Variants in ZNF777 observed in about 807,000 individuals in gnomAD.
ZNF777 encodes zinc finger protein 777.
ZNF777 carries 7 observed loss-of-function variants against 72.1 expected under a neutral mutation model. The observed-to-expected ratio is 0.10, with a 90% CI of 0.06 to 0.18. ZNF777 has a LOEUF of 0.18. ZNF777 is among the 10% of genes least tolerant of loss of function. The pLI is 1.00. For missense variants in ZNF777, 828 were observed against 1,128.6 expected (o/e 0.73, Z 3.82); for synonymous variants, 545 against 483.5 (o/e 1.13, Z -1.67).
In ZNF777 at chr7:149,432,094, C is replaced by G. The variant is rs1330387905; in HGVS notation, c.2178G>C (p.Glu726Asp). The change falls in exon 6 of 6, where the codon GAG (glutamate) becomes GAC (aspartate). Residue 726 changes from glutamate (E) to aspartate (D), a missense_variant. By Grantham distance (45) the Glu-to-Asp change is conservative. Around this residue, in one of 12 missense-constraint regions of ZNF777, gnomAD observed 49 missense variants for 135.8 expected, o/e 0.36. Transcript: ENST00000247930. ...ACTTCTCGCTGAAGCTCTTCTCGCA[C>G]TCGGGGCACTTGAAGGGCCGCTCGC... ...HTGERPFKCP[E>D]CEKSFSEKSK... 6 of 1,604,740 alleles carry G rather than the reference C, an allele frequency of 3.7e-6. No homozygotes were observed. Among genetic ancestry groups the G allele is most frequent in the South Asian group, 3.3e-5 (3 of 91,030 alleles).
rs1799818032 is a variant in ZNF777 at position 149,455,835 on chromosome 7, G to A, written c.188C>T (p.Pro63Leu). 4 of 1,613,848 alleles carry A rather than the reference G, an allele frequency of 2.5e-6. No homozygotes were observed. The highest frequency in any genetic ancestry group is 2.7e-5 in the African/African-American group (2 of 74,852). ...QGSLPQTSSA[P>L]KQETSGRMPH... ...CATCCGGCCAGAAGTCTCTTGCTTG[G>A]GAGCACTGGAAGTTTGGGGCAGGGA... is the stretch of plus-strand genomic sequence containing the variant. Residue 63 changes from proline (P) to leucine (L), a missense_variant, in exon 2 of 6, where the codon CCC (proline) becomes CTC (leucine). By Grantham distance (98) the Pro-to-Leu change is moderately conservative (BLOSUM62 -3). Coordinates refer to ENST00000247930, the MANE Select transcript of ZNF777 (RefSeq NM_015694.3). The surrounding 1 kb of genome is among the most constrained non-coding windows in gnomAD (Gnocchi z 4.2).
chr7:149,446,417 T>C (rs1045808150), intron 4 of ZNF777, among the ~76,000 whole-genome samples: 3 of 152,132 alleles, frequency 2.0e-5, no homozygotes, highest in African/African-American at 7.2e-5. Context: ...AATAAATACA[T>C]GTTCAATCTG....
chr7:149,458,390 T>C (rs184696294), intron 1 of ZNF777, among the ~76,000 whole-genome samples: 5 of 152,250 alleles, frequency 3.3e-5, no homozygotes, highest in African/African-American at 9.6e-5. Context: ...TTACAGCCCT[T>C]GCCTTAGAGG....
chr7:149,454,017 A>G, intron 3 of ZNF777, 94 bp downstream of exon 3: 2 of 1,546,898 alleles, frequency 1.3e-6, no homozygotes, highest in African/African-American at 1.4e-5. Flanking sequence ...GCTTGCAACT[A>G]TTGGCTCTGC....
Position 149,455,197 on chromosome 7 carries a change from T to C in ZNF777, c.826A>G (p.Ser276Gly), listed in dbSNP as rs1799801463. 2 of 1,613,142 alleles carry C rather than the reference T, an allele frequency of 1.2e-6. No homozygotes were observed. The highest frequency in any genetic ancestry group is 1.7e-6 in the Non-Finnish European group (2 of 1,179,642). The change falls in exon 2 of 6, where the codon AGC becomes GGC. Residue 276 changes from serine (S) to glycine (G), a missense_variant. Physicochemically the swap from Ser to Gly is moderately conservative, Grantham distance 56. Transcript: ENST00000247930. The surrounding 1 kb of genome is among the most constrained non-coding windows in gnomAD (Gnocchi z 4.2). ...CTTACCTTGGGAACTTCTCCATTGC[T>C]GCCGGGGGGCAGCCGCAGGATCCAG... ...NFWILRLPPG[S>G]NGEVPKVPVT...
chr7:149,459,609 C>G (rs1799904991), intron 1 of ZNF777: 21 of 983,156 alleles, frequency 2.1e-5, no homozygotes, highest in Non-Finnish European at 2.5e-5. Context: ...GCCCGCAGCC[C>G]TCTGGGCAGG....
intron 5 of ZNF777, among the ~76,000 whole-genome samples, chr7:149,433,726 G>A (rs533593262): frequency 5.3e-5 from 8 of 152,218 alleles, no homozygotes; most frequent in Non-Finnish European, 1.0e-4. Flanking sequence ...AGTCAGACTC[G>A]ACCACCCTTG....
intron 4 of ZNF777, among the ~76,000 whole-genome samples, chr7:149,446,946 C>A (rs193068276): frequency 6.6e-6 from 1 of 152,264 alleles, no homozygotes; most frequent in Non-Finnish European, 1.5e-5. Flanking sequence ...GAATACGACA[C>A]GGTTGGGCAT....
chr7:149,436,758 G>A lies in ZNF777; in HGVS notation c.1156C>T (p.Pro386Ser), dbSNP rs746363562. The part of the protein sequence containing the change: ...NDEGSESLET[P>S]EPLMGQVEEH... ...TCCACCTGTCCCATCAGGGGCTCAGGTGTCTCCAAACTTTCTGAGCCCTCG... is the reference window on the plus strand; with the variant it reads ...TCCACCTGTCCCATCAGGGGCTCAGATGTCTCCAAACTTTCTGAGCCCTCG... Residue 386 changes from proline to serine, a missense_variant, in exon 5 of 6, where the codon CCT (proline) becomes TCT (serine). This residue lies in a region of ZNF777 where 219 missense variants were observed against 223.0 expected (regional missense o/e 0.98). Transcript: ENST00000247930. This position sits in a 1 kb window ranked among gnomAD's most constrained non-coding sequence, Gnocchi z 5.0. The A allele has an allele frequency of 5.0e-6, 8 of 1,614,144 alleles. No homozygotes were observed. The highest frequency in any genetic ancestry group is 3.3e-5 in the Admixed American group (2 of 60,024).
Position 149,460,658 on chromosome 7 carries a change from G to C in ZNF777, c.-16+157C>G, listed in dbSNP as rs892301584. Among the ~76,000 whole-genome samples, 1 of 152,066 alleles carries C rather than the reference G, an allele frequency of 6.6e-6. No homozygotes were observed. The highest frequency in any genetic ancestry group is 2.1e-4 in the South Asian group (1 of 4,826). On this transcript the variant is annotated intron_variant, in intron 1 of 5. Transcript: ENST00000247930. This position sits in a 1 kb window ranked among gnomAD's most constrained non-coding sequence, Gnocchi z 6.1. ...ACTCCGAGGCTCGTCGGAGGCTGCCGGAACCCAGACAGCTCCATCTACAGC... is the reference window on the plus strand; with the variant it reads ...ACTCCGAGGCTCGTCGGAGGCTGCCCGAACCCAGACAGCTCCATCTACAGC...
intron 3 of ZNF777, 143 bp downstream of exon 3, chr7:149,453,968 G>A: frequency 7.9e-7 from 1 of 1,269,954 alleles, no homozygotes; most frequent in Non-Finnish European, 1.1e-6. Context: ...GAGGGCGTTT[G>A]CTTTAATTTG....
Position 149,431,668 on chromosome 7 carries a change from A to AGGGGGCTGGG in ZNF777, c.*107_*108insCCCAGCCCCC. ...GAGAGGAGAGGGGGAGCTCACGGCA[A>AGGGGGCTGGG]AGGGGCTGGGGGGCGCCCCGCCCCC... On this transcript the variant is annotated 3_prime_UTR_variant, in exon 6 of 6. Coordinates refer to ENST00000247930, the MANE Select transcript of ZNF777 (RefSeq NM_015694.3). 1 of 1,082,206 alleles carries AGGGGGCTGGG rather than the reference A, an allele frequency of 9.2e-7. No homozygotes were observed. The highest frequency in any genetic ancestry group is 1.9e-5 in the African/African-American group (1 of 53,356). 67.0% of individuals were successfully genotyped at this position (1,082,206 alleles called of 1,614,324 possible). A position where few individuals can be genotyped will look rare whatever the true frequency, so the allele number is the denominator to read the frequency against.
chr7:149,449,298 C>A (rs1291923946), intron 4 of ZNF777, among the ~76,000 whole-genome samples: 1 of 152,236 alleles, frequency 6.6e-6, no homozygotes, highest in Non-Finnish European at 1.5e-5. Context: ...CACAAGGAGG[C>A]CTCTGTGAGG....
Position 149,460,450 on chromosome 7 carries a change from C to A in ZNF777, c.-16+365G>T, listed in dbSNP as rs994898903. 3.4e-5 allele frequency among the ~76,000 whole-genome samples: 5 copies of A among 147,052 alleles called. No homozygotes were observed. The highest frequency in any genetic ancestry group is 2.1e-4 in the South Asian group (1 of 4,810). ...GCTGGGCCCCGGCCCTCAACGGCGG[C>A]CCCCGGCCCGCGCGCCGCCCCTCTG... On this transcript the variant is annotated intron_variant, in intron 1 of 5. Transcript: ENST00000247930. This position sits in a 1 kb window ranked among gnomAD's most constrained non-coding sequence, Gnocchi z 6.1.
At chr7:149,438,459 T>C (rs562792298) in intron 4 of ZNF777, among the ~76,000 whole-genome samples, 6 of 152,300 alleles carry the variant, frequency 3.9e-5, no homozygotes, top group Admixed American at 2.6e-4. Flanking sequence ...GCAATGACAA[T>C]AGAATATGTC....
rs558108283 is a variant in ZNF777, at chr7:149,455,155, G to A, written c.846+22C>T. On this transcript the variant is annotated intron_variant, in intron 2 of 5. Coordinates refer to ENST00000247930, the MANE Select transcript of ZNF777 (RefSeq NM_015694.3). This position sits in a 1 kb window ranked among gnomAD's most constrained non-coding sequence, Gnocchi z 4.2. The stretch of plus-strand genomic sequence containing the variant: ...CCAATTCAGATCACTTCCTTGGGAA[G>A]CCCCAGTTGGGATGTGCTTACCTTG... The A allele has an allele frequency of 2.9e-4, 457 of 1,591,730 alleles. 8 individuals carry two copies. The South Asian group carries it at 4.2e-3, about 14-fold the overall frequency.
intron 5 of ZNF777, among the ~76,000 whole-genome samples, chr7:149,435,420 T>C (rs1053408600): frequency 1.3e-5 from 2 of 152,076 alleles, no homozygotes; most frequent in Non-Finnish European, 2.9e-5. Context: ...ATCCTCCTGC[T>C]TTTGCTTCCC....
rs773417040 is a variant in ZNF777 at position 149,436,636 on chromosome 7, C to T, written c.1278G>A (p.Thr426=). The change falls in exon 5 of 6, where the codon ACG becomes ACA. Residue 426 remains threonine (T), a synonymous_variant. Coordinates refer to ENST00000247930, the MANE Select transcript of ZNF777 (RefSeq NM_015694.3). This position sits in a 1 kb window ranked among gnomAD's most constrained non-coding sequence, Gnocchi z 5.0. ...GTTCGCTGAACTCGCTGGAGCCTTC[C>T]GTGGACTCCTCCAGCGTGTTCTCTG... ...QEPENTLEES[T]EGSSEFSELK... 2.2e-5 allele frequency: 36 copies of T among 1,613,676 alleles called. No homozygotes were observed. The highest frequency in any genetic ancestry group is 3.3e-4 in the Middle Eastern group (2 of 6,080).
In ZNF777 at chr7:149,455,143, C is replaced by T. The variant is rs755949390; in HGVS notation, c.846+34G>A. 6.3e-7 allele frequency: 1 copy of T among 1,583,758 alleles called. No individual in the cohort carries two copies. The highest frequency in any genetic ancestry group is 8.6e-7 in the Non-Finnish European group (1 of 1,167,480). ...CTAAACCACACTCCAATTCAGATCA[C>T]TTCCTTGGGAAGCCCCAGTTGGGAT... On this transcript the variant is annotated intron_variant, in intron 2 of 5. Coordinates refer to ENST00000247930, the MANE Select transcript of ZNF777 (RefSeq NM_015694.3). The surrounding 1 kb of genome is among the most constrained non-coding windows in gnomAD (Gnocchi z 4.2).
Sources: allele counts gnomAD v4.1 joint callset (sites outside exome capture counted in the v4.1 genomes callset), GRCh38; gene constraint gnomAD v4.1.1; regional missense constraint gnomAD v4.1.1; non-coding constraint Gnocchi (gnomAD v3.1); transcripts MANE v1.5; gene names NCBI Gene and HGNC (gene_info 2026-07-23, HGNC 2026-07-21).